Variants in ADAMTS12 observed in about 807,000 individuals in gnomAD.
ADAMTS12 encodes the protein A disintegrin and metalloproteinase with thrombospondin motifs 12.
A neutral mutation model predicts 167.8 loss-of-function variants in ADAMTS12; 118 were observed. That is an observed-to-expected ratio of 0.70 (90% CI 0.61 to 0.82). The LOEUF (loss-of-function observed/expected upper bound fraction) is 0.82, where lower values mean the gene tolerates loss of function less well. Ranked by LOEUF, ADAMTS12 falls within the 40% of genes least tolerant of loss-of-function variation. The probability of loss-of-function intolerance (pLI) is 0.00; values close to 1 mark genes in which losing one functional copy is unlikely to be tolerated. For synonymous variants in ADAMTS12, 704 were observed against 716.9 expected (o/e 0.98, Z 0.29); for missense variants, 1,916 against 1,998.8 (o/e 0.96, Z 0.79).
At chr5:33,714,393 G>A (rs562347648) in intron 3 of ADAMTS12, among the ~76,000 whole-genome samples, 20 of 152,142 alleles carry the variant, frequency 1.3e-4, no homozygotes, top group African/African-American at 2.9e-4. Flanking sequence ...CAGTATAAGC[G>A]TTTCTCAAAA....
At chr5:33,628,419 T>TA (rs1415808116) in intron 13 of ADAMTS12, among the ~76,000 whole-genome samples, 4 of 152,044 alleles carry the variant, frequency 2.6e-5, no homozygotes, top group South Asian at 4.2e-4. Flanking sequence ...ACAAGCTTAC[T>TA]AAAAAAAACT....
chr5:33,824,416 A>AT (rs1344210272), intron 2 of ADAMTS12, among the ~76,000 whole-genome samples: 1 of 152,214 alleles, frequency 6.6e-6, no homozygotes, highest in Non-Finnish European at 1.5e-5. Context: ...TGGTCAGTTC[A>AT]TTTTTAGAAG....
chr5:33,859,734 G>T (rs1352856327), intron 2 of ADAMTS12, among the ~76,000 whole-genome samples: 1 of 152,168 alleles, frequency 6.6e-6, no homozygotes, highest in East Asian at 1.9e-4. Context: ...CCCAGCAGGG[G>T]TCGACAGACA....
intron 3 of ADAMTS12, among the ~76,000 whole-genome samples, chr5:33,729,347 T>C (rs970703523): frequency 1.1e-4 from 16 of 152,210 alleles, no homozygotes; most frequent in African/African-American, 3.9e-4. Flanking sequence ...AAAGTTGCCA[T>C]ATTTGATCTA....
At chr5:33,818,380 G>A (rs1476742870) in intron 2 of ADAMTS12, among the ~76,000 whole-genome samples, 1 of 151,950 alleles carries the variant, frequency 6.6e-6, no homozygotes, top group Non-Finnish European at 1.5e-5. Context: ...TTCTTTCTGT[G>A]TCTAGCTTAA....
chr5:33,882,342 T>C (rs1215810350), intron 1 of ADAMTS12, among the ~76,000 whole-genome samples: 1 of 152,270 alleles, frequency 6.6e-6, no homozygotes, highest in Non-Finnish European at 1.5e-5. Context: ...CAAATTAATA[T>C]GATAAGGAGA....
chr5:33,666,071 T>C (rs1741454573), intron 5 of ADAMTS12, among the ~76,000 whole-genome samples: 1 of 152,232 alleles, frequency 6.6e-6, no homozygotes. Flanking sequence ...AACAGGGCCT[T>C]TGAGCCTCTA....
intron 2 of ADAMTS12, among the ~76,000 whole-genome samples, chr5:33,843,544 C>G (rs1434475862): frequency 6.6e-6 from 1 of 152,116 alleles, no homozygotes; most frequent in Non-Finnish European, 1.5e-5. Context: ...GGAGACTGAT[C>G]AAATACTAAG....
chr5:33,819,967 T>C (rs184028567), intron 2 of ADAMTS12, among the ~76,000 whole-genome samples: 46 of 152,164 alleles, frequency 3.0e-4, no homozygotes, highest in African/African-American at 1.0e-3. Flanking sequence ...CTGGTAACAA[T>C]TGGTTTCTTT....
intron 3 of ADAMTS12, among the ~76,000 whole-genome samples, chr5:33,694,005 C>T (rs74418973): frequency 0.15 from 22,285 of 151,982 alleles, 1,972 homozygotes; most frequent in South Asian, 0.43. Context: ...TTCTATATAC[C>T]AACAACATCC....
intron 7 of ADAMTS12, among the ~76,000 whole-genome samples, chr5:33,652,959 A>T (rs1740921111): frequency 6.6e-6 from 1 of 152,072 alleles, no homozygotes; most frequent in African/African-American, 2.4e-5. Flanking sequence ...CAATGATGTT[A>T]CTTGCAAACA....
At chr5:33,570,575 C>T (rs1207956073) in intron 19 of ADAMTS12, among the ~76,000 whole-genome samples, 5 of 151,938 alleles carry the variant, frequency 3.3e-5, no homozygotes, top group Admixed American at 6.6e-5. Context: ...CAGGCCTGCC[C>T]TAAAAGAGCT....
intron 19 of ADAMTS12, among the ~76,000 whole-genome samples, chr5:33,573,165 C>T (rs1408072403): frequency 6.6e-6 from 1 of 151,842 alleles, no homozygotes. Context: ...GTGAAAATGG[C>T]CATACTGCCC....
At chr5:33,853,322 C>T (rs1157126911) in intron 2 of ADAMTS12, among the ~76,000 whole-genome samples, 1 of 152,146 alleles carries the variant, frequency 6.6e-6, no homozygotes, top group African/African-American at 2.4e-5. Context: ...GCCCAGAAAG[C>T]CTGTCTCTTC....
chr5:33,719,892 A>C (rs2112333013), intron 3 of ADAMTS12, among the ~76,000 whole-genome samples: 1 of 152,346 alleles, frequency 6.6e-6, no homozygotes, highest in Middle Eastern at 3.4e-3. Context: ...TTACTGAAAA[A>C]TGGAAACCAA....
At chr5:33,638,916 T>G (rs1740317882) in intron 11 of ADAMTS12, among the ~76,000 whole-genome samples, 1 of 152,214 alleles carries the variant, frequency 6.6e-6, no homozygotes, top group African/African-American at 2.4e-5. Context: ...GTGAAGAAAC[T>G]ATCCTTTGAG....
chr5:33,646,267 C>T (rs1740659676), intron 9 of ADAMTS12, among the ~76,000 whole-genome samples: 1 of 151,948 alleles, frequency 6.6e-6, no homozygotes, highest in Non-Finnish European at 1.5e-5. Flanking sequence ...CTTGAGTCAC[C>T]AAGAAAGTAA....
chr5:33,620,259 A>T (rs914867863), intron 14 of ADAMTS12, among the ~76,000 whole-genome samples: 1 of 152,222 alleles, frequency 6.6e-6, no homozygotes, highest in Admixed American at 6.5e-5. Flanking sequence ...CTGTAATGTC[A>T]TGACTTTTCT....
intron 5 of ADAMTS12, among the ~76,000 whole-genome samples, chr5:33,681,923 T>TA (rs894641910): frequency 2.0e-5 from 3 of 152,038 alleles, no homozygotes; most frequent in South Asian, 2.1e-4. Flanking sequence ...GAATTTGTTC[T>TA]AAAAAAAACC....
Sources: gnomAD v4.1 joint callset for allele counts (sites outside exome capture counted in the v4.1 genomes callset) on GRCh38, gnomAD v4.1.1 for gene constraint, MANE v1.5 for transcripts, NCBI Gene and HGNC (gene_info 2026-07-23, HGNC 2026-07-21) for gene names.